The following KIF13A variants were observed in gnomAD, a reference collection of about 807,000 sequenced individuals.
KIF13A encodes kinesin-like protein KIF13A.
A neutral mutation model predicts 212.2 loss-of-function variants in KIF13A; 79 were observed. That is an observed-to-expected ratio of 0.37 (90% CI 0.31 to 0.45). The LOEUF (loss-of-function observed/expected upper bound fraction) is 0.45. Among genes scored for constraint, KIF13A ranks in the 20% least tolerant of loss-of-function variants. The pLI, the probability that KIF13A is intolerant of heterozygous loss-of-function variation, is 1.00. For missense variants in KIF13A, 1,901 were observed against 2,209.0 expected (o/e 0.86, Z 2.79); for synonymous variants, 789 against 808.6 (o/e 0.98, Z 0.41).
chr6:17,806,642 G>A (rs972892478), intron 18 of KIF13A, among the ~76,000 whole-genome samples: 1 of 152,180 alleles, frequency 6.6e-6, no homozygotes, highest in African/African-American at 2.4e-5. Context: ...CACTTTGGGA[G>A]GCCAAGGTGG....
At chr6:17,763,011 T>C (rs1758656424), downstream of KIF13A, among the ~76,000 whole-genome samples, 1 of 152,258 alleles carries the variant, frequency 6.6e-6, no homozygotes, top group Non-Finnish European at 1.5e-5. Flanking sequence ...TTTATTTTGC[T>C]AAGCCATGAC....
chr6:17,761,268 C>T (rs1007372721), downstream of KIF13A, among the ~76,000 whole-genome samples: 2 of 152,166 alleles, frequency 1.3e-5, no homozygotes, highest in Non-Finnish European at 2.9e-5. Context: ...TTTGTAGAGA[C>T]AGAGTCTCGT....
intron 2 of KIF13A, among the ~76,000 whole-genome samples, chr6:17,917,141 C>T (rs1774584765): frequency 6.6e-6 from 1 of 151,862 alleles, no homozygotes; most frequent in Non-Finnish European, 1.5e-5. Context: ...TTCCATGATG[C>T]CAGAACACTT....
In KIF13A at chr6:17,926,204, G is replaced by A. The variant is rs550206579; in HGVS notation, c.147-28024C>T. The stretch of plus-strand genomic sequence containing the variant: ...ACATTCAGTTCTTGTAAACTTCCAC[G>A]AATTCCTAAATTTATCTGTCTCCTG... On this transcript the variant is annotated intron_variant, in intron 2 of 38. Transcript: ENST00000259711. This position sits in a 1 kb window ranked among gnomAD's most constrained non-coding sequence, Gnocchi z 4.3. Among the ~76,000 whole-genome samples, 259 of 152,120 alleles carry A rather than the reference G, an allele frequency of 1.7e-3. No individual in the cohort carries two copies. Among genetic ancestry groups the A allele is most frequent in the African/African-American group, 6.0e-3 (247 of 41,496 alleles).
intron 4 of KIF13A, among the ~76,000 whole-genome samples, chr6:17,865,023 C>T (rs572849760): frequency 6.6e-6 from 1 of 152,324 alleles, no homozygotes; most frequent in South Asian, 2.1e-4. Flanking sequence ...ATAAAAGAGT[C>T]ACAGTGGGCT....
intron 16 of KIF13A, among the ~76,000 whole-genome samples, chr6:17,820,791 A>G (rs764276028): frequency 5.9e-5 from 9 of 152,186 alleles, no homozygotes; most frequent in Non-Finnish European, 1.0e-4. Flanking sequence ...GTAACTATGC[A>G]ATGAGCTCAA....
rs1346897435 is a variant in KIF13A at position 17,912,933 on chromosome 6, A to G, written c.147-14753T>C. On this transcript the variant is annotated intron_variant, in intron 2 of 38. Transcript: ENST00000259711. This position sits in a 1 kb window ranked among gnomAD's most constrained non-coding sequence, Gnocchi z 4.2. The stretch of plus-strand genomic sequence containing the variant: ...TGAAACTTCAGACTTCCTTATATCT[A>G]ATCTTTTTATTTTTCTAATTATTTT... Among the ~76,000 whole-genome samples, 1 of 151,772 alleles carries G rather than the reference A, an allele frequency of 6.6e-6. No individual in the cohort carries two copies. Among genetic ancestry groups the G allele is most frequent in the African/African-American group, 2.4e-5 (1 of 41,324 alleles).
chr6:17,925,355 G>A (rs1437052360), intron 2 of KIF13A, among the ~76,000 whole-genome samples: 1 of 152,220 alleles, frequency 6.6e-6, no homozygotes, highest in African/African-American at 2.4e-5. Context: ...GAAATGAGAG[G>A]CTGTGGGAAG....
chr6:17,864,154 A>G (rs1427892645), intron 4 of KIF13A, among the ~76,000 whole-genome samples: 2 of 152,232 alleles, frequency 1.3e-5, no homozygotes, highest in Non-Finnish European at 2.9e-5. Context: ...GAGCAGAGCC[A>G]TAACATTGTC....
Position 17,915,422 on chromosome 6 carries a change from C to T in KIF13A, c.147-17242G>A, listed in dbSNP as rs545452890. On this transcript the variant is annotated intron_variant, in intron 2 of 38. Coordinates refer to ENST00000259711, the MANE Select transcript of KIF13A (RefSeq NM_022113.6). The surrounding 1 kb of genome is among the most constrained non-coding windows in gnomAD (Gnocchi z 4.4). Reference sequence around the variant, plus strand: ...CTTTTAAAAGCAGCAGAGTAACACACGCGATGCAAGGCCCCTCATTTTCAG... The same window carrying T: ...CTTTTAAAAGCAGCAGAGTAACACATGCGATGCAAGGCCCCTCATTTTCAG... Among the ~76,000 whole-genome samples the T allele has an allele frequency of 2.6e-5, 4 of 152,312 alleles. No homozygotes were observed. In the East Asian group the frequency reaches 5.8e-4, roughly 22 times the overall value.
chr6:17,905,302 T>C (rs1398787670), intron 2 of KIF13A, among the ~76,000 whole-genome samples: 1 of 152,200 alleles, frequency 6.6e-6, no homozygotes, highest in African/African-American at 2.4e-5. Context: ...ACTCCCACAA[T>C]GCATATTAGG....
At chr6:17,791,838 T>C (rs1293863557) in intron 25 of KIF13A, among the ~76,000 whole-genome samples, 1 of 143,186 alleles carries the variant, frequency 7.0e-6, no homozygotes, top group Non-Finnish European at 1.5e-5. Context: ...AGATGGAAGA[T>C]GCAGTGAGCC....
chr6:17,791,221 A>G (rs1761524661), intron 25 of KIF13A, among the ~76,000 whole-genome samples: 2 of 152,084 alleles, frequency 1.3e-5, no homozygotes, highest in Admixed American at 1.3e-4. Context: ...CTATTAATGT[A>G]AAAGAACAAA....
rs770191257 is a variant in KIF13A, at chr6:17,919,302, C to G, written c.147-21122G>C. Among the ~76,000 whole-genome samples the G allele has an allele frequency of 6.6e-6, 1 of 152,212 alleles. No individual in the cohort carries two copies. The highest frequency in any genetic ancestry group is 1.5e-5 in the Non-Finnish European group (1 of 68,042). On this transcript the variant is annotated intron_variant, in intron 2 of 38. Transcript: ENST00000259711. This position sits in a 1 kb window ranked among gnomAD's most constrained non-coding sequence, Gnocchi z 4.1. ...TATCCCTCTTCAACAATTACCAATA[C>G]ATGGCCAGTCTTGCACAGGTAAAGT...
chr6:17,862,495 T>C (rs1166278791), intron 4 of KIF13A, among the ~76,000 whole-genome samples: 1 of 152,168 alleles, frequency 6.6e-6, no homozygotes, highest in Non-Finnish European at 1.5e-5. Flanking sequence ...TGTGGCATAA[T>C]CCAATTTCAA....
intron 2 of KIF13A, among the ~76,000 whole-genome samples, chr6:17,966,312 C>G (rs1189633024): frequency 6.6e-6 from 1 of 152,050 alleles, no homozygotes; most frequent in Non-Finnish European, 1.5e-5. Context: ...ATTTCCATCT[C>G]TAAAGTGGCC....
chr6:17,833,014 C>CAAAAAAAAAAAAAAAAA (rs61281213), intron 12 of KIF13A, among the ~76,000 whole-genome samples: 3 of 75,386 alleles, frequency 4.0e-5, no homozygotes, highest in African/African-American at 2.0e-4. Flanking sequence ...ACTCTGTCTG[C>CAAAAAAAAAAAAAAAAA]AAAAAAAAAA....
chr6:17,882,781 T>C (rs2150454331), intron 3 of KIF13A, among the ~76,000 whole-genome samples: 1 of 152,236 alleles, frequency 6.6e-6, no homozygotes, highest in African/African-American at 2.4e-5. Context: ...ATGCTGGTCT[T>C]GAACTTCTGA....
At position 17,975,556 on chromosome 6, in the gene KIF13A, G is replaced by A. The variant is rs111932521; in HGVS notation, c.146+11498C>T. On this transcript the variant is annotated intron_variant, in intron 2 of 38. Coordinates refer to ENST00000259711, the MANE Select transcript of KIF13A (RefSeq NM_022113.6). Reference sequence around the variant, plus strand: ...ATTGCAAAGACCAAAAGAAAAAAAAGCTTCCAGTACAGAACAAAACGCGAA... The same window carrying A: ...ATTGCAAAGACCAAAAGAAAAAAAAACTTCCAGTACAGAACAAAACGCGAA... Among the ~76,000 whole-genome samples, 282 of 152,236 alleles carry A rather than the reference G, an allele frequency of 1.9e-3. 5 individuals carry two copies. In the South Asian group the frequency reaches 0.055, roughly 30 times the overall value.
Sources: gnomAD v4.1 joint callset for allele counts (sites outside exome capture counted in the v4.1 genomes callset) on GRCh38, gnomAD v4.1.1 for gene constraint, Gnocchi (gnomAD v3.1) non-coding constraint, MANE v1.5 for transcripts, NCBI Gene and HGNC (gene_info 2026-07-23, HGNC 2026-07-21) for gene names.